ADAMTS9: variants seen among roughly 807,000 people sequenced by gnomAD.
ADAMTS9 encodes the protein A disintegrin and metalloproteinase with thrombospondin motifs 9.
A neutral mutation model predicts 257.1 loss-of-function variants in ADAMTS9; 107 were observed. That is an observed-to-expected ratio of 0.42 (90% CI 0.36 to 0.49). The LOEUF (loss-of-function observed/expected upper bound fraction) is 0.49, where lower values mean the gene tolerates loss of function less well. Among genes scored for constraint, ADAMTS9 ranks in the 20% least tolerant of loss-of-function variants. The pLI, the probability that ADAMTS9 is intolerant of heterozygous loss-of-function variation, is 0.03. For synonymous variants in ADAMTS9, 982 were observed against 880.9 expected, an observed-to-expected ratio of 1.11 and a Z score of -2.03; for missense variants, 2,353 against 2,469.1, an observed-to-expected ratio of 0.95 and a Z score of 1.00.
At chr3:64,662,113 T>C (rs1054502970) in intron 3 of ADAMTS9, among the ~76,000 whole-genome samples, 1 of 152,058 alleles carries the variant, frequency 6.6e-6, no homozygotes, top group Non-Finnish European at 1.5e-5. Context: ...TTTTGGTATG[T>C]TGAGTCTTCA....
intron 32 of ADAMTS9, among the ~76,000 whole-genome samples, chr3:64,546,408 G>C (rs2083199275): frequency 6.6e-6 from 1 of 152,204 alleles, no homozygotes; most frequent in South Asian, 2.1e-4. Flanking sequence ...TTCTGGATTA[G>C]GGATGCTCAA....
intron 2 of ADAMTS9, among the ~76,000 whole-genome samples, chr3:64,682,335 C>T (rs1055544175): frequency 6.6e-5 from 10 of 152,178 alleles, no homozygotes; most frequent in African/African-American, 2.2e-4. Context: ...AACTCGTGAA[C>T]GGTTTTTGGT....
intron 26 of ADAMTS9, among the ~76,000 whole-genome samples, chr3:64,600,940 A>C (rs1297801495): frequency 6.6e-6 from 1 of 152,216 alleles, no homozygotes; most frequent in African/African-American, 2.4e-5. Context: ...AATAGTAAAC[A>C]ATTAAAAAGA....
chr3:64,548,308 T>G (rs147547473), intron 31 of ADAMTS9, among the ~76,000 whole-genome samples: 1 of 152,160 alleles, frequency 6.6e-6, no homozygotes, highest in East Asian at 1.9e-4. Context: ...GCTCGAGACA[T>G]AGAAATGCTC....
chr3:64,521,529 G>A (rs1240060813), intron 39 of ADAMTS9: 1 of 152,072 alleles, frequency 6.6e-6, no homozygotes, highest in African/African-American at 2.4e-5. Context: ...TAGCAAACGT[G>A]GAATCAACCT....
chr3:64,658,912 TC>T, intron 3 of ADAMTS9, 121 bp from the exon 4 acceptor site: 1 of 1,021,800 alleles, frequency 9.8e-7, no homozygotes, highest in Non-Finnish European at 1.4e-6. Context: ...AAACAAGTCC[TC>T]CATGGACTCT....
At chr3:64,555,520 T>C (rs1043396906) in intron 30 of ADAMTS9, among the ~76,000 whole-genome samples, 2 of 152,148 alleles carry the variant, frequency 1.3e-5, no homozygotes, top group Non-Finnish European at 2.9e-5. Context: ...TGGGTTCCCA[T>C]GTGTTAGCTC....
intron 15 of ADAMTS9, 122 bp from the exon 16 acceptor site, chr3:64,631,672 T>C: frequency 8.5e-7 from 1 of 1,171,752 alleles, no homozygotes. Context: ...TTAGGTGCCT[T>C]CTAGTCGATG....
At chr3:64,572,064 A>AAAGTAGG (rs370640416) in intron 28 of ADAMTS9, among the ~76,000 whole-genome samples, 30,085 of 152,060 alleles carry the variant, frequency 0.2, 4,760 homozygotes, top group East Asian at 0.44. Context: ...AAAGCCTCCT[A>AAAGTAGG]CTTTGCCAAT....
Position 64,621,096 on chromosome 3 carries a change from G to C in ADAMTS9, c.2813+18C>G. 4 of 1,597,314 alleles carry C rather than the reference G, an allele frequency of 2.5e-6. No individual in the cohort carries two copies. Among genetic ancestry groups the C allele is most frequent in the Non-Finnish European group, 3.4e-6 (4 of 1,172,680 alleles). On this transcript the variant is annotated intron_variant, in intron 19 of 39. Transcript: ENST00000498707. Reference sequence around the variant, plus strand: ...CTCACAATTCAGTAATAAAGGCCTTGAGAAAACAGTGGCCCACCTCAGGTC... The same window carrying C: ...CTCACAATTCAGTAATAAAGGCCTTCAGAAAACAGTGGCCCACCTCAGGTC...
intron 4 of ADAMTS9, among the ~76,000 whole-genome samples, chr3:64,656,854 G>A (rs535076585): frequency 1.3e-5 from 2 of 152,012 alleles, no homozygotes; most frequent in South Asian, 2.1e-4. Context: ...GCCACAAGGG[G>A]GGAAGAAGAA....
At chr3:64,566,977 G>A (rs1482371613) in intron 29 of ADAMTS9, among the ~76,000 whole-genome samples, 1 of 152,014 alleles carries the variant, frequency 6.6e-6, no homozygotes, top group Non-Finnish European at 1.5e-5. Flanking sequence ...AGGCAAAGGA[G>A]GAACCAGCTC....
intron 4 of ADAMTS9, 94 bp from the exon 5 acceptor site, chr3:64,655,969 G>T (rs573254818): frequency 2.8e-6 from 2 of 711,958 alleles, no homozygotes; most frequent in Non-Finnish European, 4.5e-6. Context: ...TCTTTTTTAC[G>T]TTTCTTGCAA....
chr3:64,538,537 C>G (rs926523144), intron 37 of ADAMTS9, among the ~76,000 whole-genome samples: 10 of 149,898 alleles, frequency 6.7e-5, no homozygotes, highest in African/African-American at 2.4e-4. Flanking sequence ...TCCTTCCAGA[C>G]TTTTTCTGTT....
At chr3:64,665,852 G>A (rs1576176237) in intron 3 of ADAMTS9, among the ~76,000 whole-genome samples, 1 of 151,946 alleles carries the variant, frequency 6.6e-6, no homozygotes, top group South Asian at 2.1e-4. Flanking sequence ...CCTTTAAATG[G>A]GCATATAAAT....
At chr3:64,582,489 C>T (rs947349173) in intron 28 of ADAMTS9, 3 of 152,140 alleles carry the variant, frequency 2.0e-5, no homozygotes, top group Admixed American at 2.0e-4. Context: ...CTGGTAAATG[C>T]TGATGTTCTA....
intron 28 of ADAMTS9, chr3:64,592,877 C>G (rs2084288784): frequency 6.6e-6 from 1 of 151,728 alleles, no homozygotes; most frequent in Non-Finnish European, 1.5e-5. Flanking sequence ...GTCTAGTGAA[C>G]TGGGTGAAAA....
chr3:64,542,418 A>ACTTC (rs1559754817), intron 32 of ADAMTS9, among the ~76,000 whole-genome samples: 2 of 125,606 alleles, frequency 1.6e-5, no homozygotes, highest in Non-Finnish European at 3.1e-5. Context: ...ATCACTTTTC[A>ACTTC]TTTCTTTCTT....
At chr3:64,532,328 C>A (rs2082992503) in intron 38 of ADAMTS9, among the ~76,000 whole-genome samples, 1 of 152,174 alleles carries the variant, frequency 6.6e-6, no homozygotes, top group Non-Finnish European at 1.5e-5. Context: ...TCATCTAACA[C>A]AAAGCCTATT....
Sources: allele counts gnomAD v4.1 joint callset (sites outside exome capture counted in the v4.1 genomes callset), GRCh38; gene constraint gnomAD v4.1.1; transcripts MANE v1.5; gene names NCBI Gene and HGNC (gene_info 2026-07-23, HGNC 2026-07-21).